SDK2: variants seen among roughly 807,000 people sequenced by gnomAD.
SDK2 encodes the protein protein sidekick-2.
A neutral mutation model predicts 253.9 loss-of-function variants in SDK2; 105 were observed. The observed-to-expected ratio is 0.41, with a 90% CI of 0.35 to 0.49. The LOEUF (loss-of-function observed/expected upper bound fraction) is 0.49. Ranked by LOEUF, SDK2 falls within the 20% of genes least tolerant of loss-of-function variation. The pLI is 0.06. For synonymous variants in SDK2, 1,249 were observed against 1,234.9 expected (o/e 1.01, Z -0.24); for missense variants, 2,608 against 3,003.0 (o/e 0.87, Z 3.07).
chr17:73,569,909 A>G (rs1219287275), intron 1 of SDK2, among the ~76,000 whole-genome samples: 2 of 152,046 alleles, frequency 1.3e-5, no homozygotes, highest in Non-Finnish European at 2.9e-5. Context: ...TCTCAGGTCC[A>G]GAAGATATGG....
rs2062964157 is a variant in SDK2, at chr17:73,395,510, C to A, written c.3355-118G>T. 11 of 725,678 alleles carry A rather than the reference C, an allele frequency of 1.5e-5. No individual in the cohort carries two copies. The East Asian group carries it at 3.0e-4, about 20-fold the overall frequency. The allele number at this position is 725,678 out of a possible 1,614,324, so 45.0% of individuals were successfully genotyped here. ...TTCAGGGCTATCCATCCCACTGTCA[C>A]CCGGTCAGTGTCCACATGAGGCTCT... On this transcript the variant is annotated intron_variant, in intron 24 of 44. Transcript: ENST00000392650. This position sits in a 1 kb window ranked among gnomAD's most constrained non-coding sequence, Gnocchi z 4.3.
rs2063251992 is a variant in SDK2, at chr17:73,423,522, C to T, written c.1761G>A (p.Arg587=). ...GGTGCTCGGGCGCGTGGGGCAGTTG[C>T]CTGGAAAAGAGACACGTGGTCAGGC... is the stretch of plus-strand genomic sequence containing the variant. ...NDSRSAHLRV[R]QLPHAPEHPV... is the part of the protein sequence containing the mutation. Residue 587 remains arginine, a splice_region_variant and synonymous_variant, in exon 14 of 45, where the codon AGG becomes AGA. Transcript: ENST00000392650. 1 of 1,549,130 alleles carries T rather than the reference C, an allele frequency of 6.5e-7. No homozygotes were observed.
intron 25 of SDK2, 31 bp from the exon 26 acceptor site, chr17:73,394,355 C>T: frequency 6.9e-7 from 1 of 1,458,760 alleles, no homozygotes; most frequent in Non-Finnish European, 9.3e-7. Context: ...AGAGAAGGCA[C>T]TCAGGACCCA....
chr17:73,419,163 C>G lies in SDK2; in HGVS notation c.2186+3G>C, dbSNP rs1380027969. 6.2e-7 allele frequency: 1 copy of G among 1,611,578 alleles called. No individual in the cohort carries two copies. Among genetic ancestry groups the G allele is most frequent in the Admixed American group, 1.7e-5 (1 of 59,734 alleles). ...GGCTCCTGTCCCCAGGGTGGACACC[C>G]ACCTGATGATGTAACCCTTGAGAAT... is the stretch of plus-strand genomic sequence containing the variant. On this transcript the variant is annotated splice_donor_region_variant and intron_variant, in intron 16 of 44. Transcript: ENST00000392650.
intron 1 of SDK2, among the ~76,000 whole-genome samples, chr17:73,533,234 C>T (rs2145807023): frequency 6.6e-6 from 1 of 152,360 alleles, no homozygotes; most frequent in Non-Finnish European, 1.5e-5. Flanking sequence ...GACCCCATTC[C>T]TCAGCATCCC....
chr17:73,475,999 C>T (rs1008138570), intron 2 of SDK2, among the ~76,000 whole-genome samples: 3 of 152,204 alleles, frequency 2.0e-5, no homozygotes, highest in Non-Finnish European at 4.4e-5. Context: ...GTAGTCCCAG[C>T]TATTCGGGAG....
intron 16 of SDK2, among the ~76,000 whole-genome samples, chr17:73,418,089 C>G (rs2063199209): frequency 6.9e-6 from 1 of 145,646 alleles, no homozygotes; most frequent in Admixed American, 7.3e-5. Flanking sequence ...CTCACTGCAA[C>G]CTCTGCCTCC....
intron 4 of SDK2, among the ~76,000 whole-genome samples, chr17:73,453,227 ACCCAGACAAGTCAGCCAGT>A (rs2063500844): frequency 6.6e-6 from 1 of 152,088 alleles, no homozygotes. Context: ...CACCCCAGTC[ACCCAGACAAGTCAGCCAGT>A]CCCAGACAAG....
In SDK2 at chr17:73,383,602, C is replaced by T. The variant is rs1442033709; in HGVS notation, c.4705+274G>A. On this transcript the variant is annotated intron_variant, in intron 33 of 44. Coordinates refer to ENST00000392650, the MANE Select transcript of SDK2 (RefSeq NM_001144952.2). The surrounding 1 kb of genome is among the most constrained non-coding windows in gnomAD (Gnocchi z 4.3). Reference sequence around the variant, plus strand: ...CCTAGAATGTTTCCTTCCCAGCTCGCCTGGCTCCTCCTCCAGCCTGCAACT... The same window carrying T: ...CCTAGAATGTTTCCTTCCCAGCTCGTCTGGCTCCTCCTCCAGCCTGCAACT... 6.6e-6 allele frequency among the ~76,000 whole-genome samples: 1 copy of T among 152,222 alleles called. No homozygotes were observed. The highest frequency in any genetic ancestry group is 1.9e-4 in the East Asian group (1 of 5,200).
At chr17:73,415,778 C>T (rs529697505) in intron 17 of SDK2, 33 bp downstream of exon 17, 65 of 1,535,148 alleles carry the variant, frequency 4.2e-5, no homozygotes, top group African/African-American at 5.5e-5. Flanking sequence ...CATGAGCCAC[C>T]GCGCCTGGTC....
At chr17:73,594,961 C>T (rs1195091431) in intron 1 of SDK2, among the ~76,000 whole-genome samples, 1 of 152,152 alleles carries the variant, frequency 6.6e-6, no homozygotes, top group Non-Finnish European at 1.5e-5. Context: ...CAACAGGCCT[C>T]ACTACCTGCC....
intron 4 of SDK2, among the ~76,000 whole-genome samples, chr17:73,453,870 G>A (rs891424500): frequency 2.6e-5 from 4 of 152,106 alleles, no homozygotes; most frequent in Non-Finnish European, 5.9e-5. Context: ...ACACAGTCAC[G>A]CACTGCATAA....
chr17:73,553,239 C>CG (rs61039313), intron 1 of SDK2, among the ~76,000 whole-genome samples: 1 of 152,004 alleles, frequency 6.6e-6, no homozygotes, highest in Non-Finnish European at 1.5e-5. Context: ...GGACAGGCCA[C>CG]GGGGGGCCAG....
intron 1 of SDK2, among the ~76,000 whole-genome samples, chr17:73,568,547 G>A (rs753020832): frequency 6.6e-6 from 1 of 152,042 alleles, no homozygotes; most frequent in Non-Finnish European, 1.5e-5. Context: ...TGTGAAAATA[G>A]ATCAATAAAA....
rs2062383996 is a variant in SDK2, at chr17:73,336,932, A to T, written c.*1655T>A. 6.6e-6 allele frequency: 1 copy of T among 151,728 alleles called. No individual in the cohort carries two copies. Among genetic ancestry groups the T allele is most frequent in the Non-Finnish European group, 1.5e-5 (1 of 67,760 alleles). 9.4% of individuals were successfully genotyped at this position (151,728 alleles called of 1,614,324 possible). ...ACAGAGGGCCTTGGACAATGTATGG[A>T]GTTAGATAGAAAGGCTTCTCCCTAA... On this transcript the variant is annotated 3_prime_UTR_variant, in exon 45 of 45. Coordinates refer to ENST00000392650, the MANE Select transcript of SDK2 (RefSeq NM_001144952.2).
intron 1 of SDK2, among the ~76,000 whole-genome samples, chr17:73,550,918 C>T (rs1012485542): frequency 2.0e-5 from 3 of 152,082 alleles, no homozygotes; most frequent in African/African-American, 7.2e-5. Flanking sequence ...TCATGGAAGC[C>T]AGTGGAGGCA....
At position 73,415,811 on chromosome 17, in the gene SDK2, C is replaced by A. The variant is rs764713693; in HGVS notation, c.2368G>T (p.Val790Phe). The A allele has an allele frequency of 6.4e-7, 1 of 1,551,636 alleles. No homozygotes were observed. The highest frequency in any genetic ancestry group is 1.2e-5 in the South Asian group (1 of 84,058). The change falls in exon 17 of 45, where the codon GTT becomes TTT. Residue 790 changes from valine (V) to phenylalanine (F), a missense_variant and splice_region_variant. Physicochemically the swap from Val to Phe is conservative, Grantham distance 50. Coordinates refer to ENST00000392650, the MANE Select transcript of SDK2 (RefSeq NM_001144952.2). ...GTCTGAGACCACAGTCTCTACCTAC[C>A]TCCCTGCAGCGTCCACTCGGTGACT... Reference protein sequence around the residue: ...SKVTEWTLQGVPTVPPGNVHA... With the variant: ...SKVTEWTLQGFPTVPPGNVHA...
chr17:73,377,434 G>T (rs1453300344), intron 36 of SDK2, among the ~76,000 whole-genome samples: 1 of 151,564 alleles, frequency 6.6e-6, no homozygotes, highest in Non-Finnish European at 1.5e-5. Flanking sequence ...GGTCAGGCTG[G>T]TCTCGATCTC....
rs149817367 is a variant in SDK2 at position 73,407,228 on chromosome 17, C to T, written c.2485-5087G>A. Among the ~76,000 whole-genome samples the T allele has an allele frequency of 2.1e-3, 321 of 152,234 alleles. 2 individuals carry two copies. The highest frequency in any genetic ancestry group is 2.4e-3 in the African/African-American group (100 of 41,542). The stretch of plus-strand genomic sequence containing the variant: ...AACAAGAGCCCCTTAAAGAAATGGC[C>T]GATGCCTGGCACAGTGAGGGGAATG... On this transcript the variant is annotated intron_variant, in intron 18 of 44. Transcript: ENST00000392650.
Sources: allele counts gnomAD v4.1 joint callset (sites outside exome capture counted in the v4.1 genomes callset), GRCh38; gene constraint gnomAD v4.1.1; non-coding constraint Gnocchi (gnomAD v3.1); transcripts MANE v1.5; gene names NCBI Gene and HGNC (gene_info 2026-07-23, HGNC 2026-07-21).